RYR3: variants seen among roughly 807,000 people sequenced by gnomAD.
RYR3 encodes the protein ryanodine receptor 3.
RYR3 carries 207 observed loss-of-function variants against 584.3 expected under a neutral mutation model. The observed-to-expected ratio is 0.35, with a 90% confidence interval of 0.32 to 0.40. The LOEUF (loss-of-function observed/expected upper bound fraction) is 0.40, where lower values mean the gene tolerates loss of function less well. Ranked by LOEUF, RYR3 falls within the 10% of genes least tolerant of loss-of-function variation. The pLI, the probability that RYR3 is intolerant of heterozygous loss-of-function variation, is 1.00. For synonymous variants in RYR3, 2,416 were observed against 2,248.5 expected (o/e 1.07, Z -2.11); for missense variants, 5,616 against 6,089.2 (o/e 0.92, Z 2.59).
chr15:33,543,992 C>A (rs1178207061), intron 8 of RYR3, among the ~76,000 whole-genome samples: 1 of 152,090 alleles, frequency 6.6e-6, no homozygotes, highest in African/African-American at 2.4e-5. Flanking sequence ...ATTCACCAGG[C>A]TCTTCAAAGA....
intron 43 of RYR3, among the ~76,000 whole-genome samples, chr15:33,716,215 A>T (rs551476259): frequency 6.6e-6 from 1 of 152,336 alleles, no homozygotes; most frequent in African/African-American, 2.4e-5. Flanking sequence ...CAATGAGCCA[A>T]TTAAACCTCT....
intron 13 of RYR3, 73 bp downstream of exon 13, chr15:33,580,217 C>A: frequency 8.2e-7 from 1 of 1,220,342 alleles, no homozygotes; most frequent in Non-Finnish European, 1.1e-6. Flanking sequence ...TACAACTTAG[C>A]TTTGTCTTTC....
intron 1 of RYR3, among the ~76,000 whole-genome samples, chr15:33,319,970 A>G (rs1342985002): frequency 6.6e-6 from 1 of 152,180 alleles, no homozygotes; most frequent in African/African-American, 2.4e-5. Flanking sequence ...GCAGGTAGCT[A>G]AATGTGTAAA....
intron 70 of RYR3, among the ~76,000 whole-genome samples, chr15:33,808,839 C>T (rs2076348278): frequency 6.6e-6 from 1 of 152,172 alleles, no homozygotes; most frequent in Non-Finnish European, 1.5e-5. Flanking sequence ...ATATTTCTTA[C>T]TGCCCCTCCC....
chr15:33,330,153 C>G (rs979575335), intron 1 of RYR3, among the ~76,000 whole-genome samples: 4 of 152,122 alleles, frequency 2.6e-5, no homozygotes, highest in African/African-American at 9.7e-5. Flanking sequence ...TAACTTAGCT[C>G]AAAGTGGCGG....
intron 2 of RYR3, among the ~76,000 whole-genome samples, chr15:33,485,284 A>G (rs1479459081): frequency 6.6e-6 from 1 of 152,252 alleles, no homozygotes; most frequent in Non-Finnish European, 1.5e-5. Flanking sequence ...AACTTGAGCA[A>G]TAAGAAGAAA....
Position 33,728,941 on chromosome 15 carries a change from A to T in RYR3, c.7118A>T (p.Tyr2373Phe), listed in dbSNP as rs746107785. 15 of 1,613,818 alleles carry T rather than the reference A, an allele frequency of 9.3e-6. No homozygotes were observed. Among genetic ancestry groups the T allele is most frequent in the Non-Finnish European group, 1.3e-5 (15 of 1,179,858 alleles). The change falls in exon 47 of 104, where the codon TAT (tyrosine) becomes TTT (phenylalanine). Residue 2373 changes from tyrosine (Y) to phenylalanine (F), a missense_variant. Tyr to Phe is a conservative substitution (Grantham distance 22, BLOSUM62 3). Transcript: ENST00000634891. ...APMVLFLDRV[Y>F]GIKDQTFLLH... ...ATGGTGCTGTTCTTGGACCGCGTTT[A>T]TGGCATTAAGGATCAAACTTTTCTG...
At position 33,746,134 on chromosome 15, in the gene RYR3, C is replaced by T; in HGVS notation, c.7966C>T (p.Pro2656Ser). 2 of 1,597,818 alleles carry T rather than the reference C, an allele frequency of 1.3e-6. No homozygotes were observed. Among genetic ancestry groups the T allele is most frequent in the Non-Finnish European group, 1.7e-6 (2 of 1,171,802 alleles). ...TGTGAAGACCCACCCACTGATAAGG[C>T]CTTTCAAGACATTAACGGAGAAGGT... ...ENVKTHPLIRPFKTLTEKEKE... is the reference protein window; with the variant it reads ...ENVKTHPLIRSFKTLTEKEKE... The change falls in exon 53 of 104, where the codon CCT (proline) becomes TCT (serine). Residue 2656 changes from proline (P) to serine (S), a missense_variant. Transcript: ENST00000634891.
At chr15:33,445,428 T>C (rs2046556883) in intron 1 of RYR3, among the ~76,000 whole-genome samples, 1 of 152,168 alleles carries the variant, frequency 6.6e-6, no homozygotes, top group African/African-American at 2.4e-5. Flanking sequence ...TTTGACATAC[T>C]CATGTTGAAA....
intron 67 of RYR3, among the ~76,000 whole-genome samples, chr15:33,794,347 A>ACATAT (rs1453088029): frequency 1.3e-5 from 1 of 74,534 alleles, no homozygotes; most frequent in Non-Finnish European, 2.9e-5. Flanking sequence ...ATATATATAA[A>ACATAT]AATATATATA....
chr15:33,729,719 G>T (rs2068786690), intron 47 of RYR3, among the ~76,000 whole-genome samples: 1 of 151,816 alleles, frequency 6.6e-6, no homozygotes, highest in African/African-American at 2.4e-5. Context: ...GCAGAAAAAG[G>T]TACACCAGGA....
In RYR3 at chr15:33,785,699, T is replaced by C; in HGVS notation, c.9306T>C (p.Pro3102=). 1 of 1,611,374 alleles carries C rather than the reference T, an allele frequency of 6.2e-7. No homozygotes were observed. The highest frequency in any genetic ancestry group is 2.2e-5 in the East Asian group (1 of 44,868). The change falls in exon 66 of 104, where the codon CCT becomes CCC. Residue 3102 remains proline (P), a synonymous_variant. Coordinates refer to ENST00000634891, the MANE Select transcript of RYR3 (RefSeq NM_001036.6). Reference sequence around the variant, plus strand: ...CAGACACGGTAGAAGACATGTGTCCTGACATCCCCCAGCTGGAAGGCCTGA... The same window carrying C: ...CAGACACGGTAGAAGACATGTGTCCCGACATCCCCCAGCTGGAAGGCCTGA... The part of the protein sequence containing the change: ...GMPDTVEDMC[P]DIPQLEGLMK...
At chr15:33,540,926 C>A in intron 7 of RYR3, 36 bp downstream of exon 7, 1 of 1,340,564 alleles carries the variant, frequency 7.5e-7, no homozygotes. Context: ...CCTGAGCCTG[C>A]CTATCTCTCT....
chr15:33,690,218 C>T (rs544377571), intron 38 of RYR3, among the ~76,000 whole-genome samples: 185 of 152,332 alleles, frequency 1.2e-3, no homozygotes, highest in African/African-American at 4.2e-3. Flanking sequence ...GTGTGCAGAG[C>T]GGGCTGAAGA....
At chr15:33,783,615 C>T (rs1273974836) in intron 65 of RYR3, among the ~76,000 whole-genome samples, 3 of 152,176 alleles carry the variant, frequency 2.0e-5, no homozygotes, top group South Asian at 2.1e-4. Context: ...TTTAAACAAA[C>T]GCACCTGAGC....
Position 33,842,311 on chromosome 15 carries a change from C to T in RYR3, c.13209+276C>T, listed in dbSNP as rs1481017681. 3.3e-5 allele frequency among the ~76,000 whole-genome samples: 5 copies of T among 152,230 alleles called. No individual in the cohort carries two copies. In the East Asian group the frequency reaches 7.7e-4, roughly 23 times the overall value. Reference sequence around the variant, plus strand: ...CCTTACCAGGAGAGCAGGAACACCTCTTTCTACCCAGTCCTTTATGTGTAT... The same window carrying T: ...CCTTACCAGGAGAGCAGGAACACCTTTTTCTACCCAGTCCTTTATGTGTAT... On this transcript the variant is annotated intron_variant, in intron 91 of 103. Transcript: ENST00000634891.
chr15:33,858,512 GAGACATTATTATGAATGAA>G (rs1158147466), intron 99 of RYR3: 1 of 126,588 alleles, frequency 7.9e-6, no homozygotes, highest in Admixed American at 8.3e-5. Flanking sequence ...TGGCCAAGAT[GAGACATTATTATGAATGAA>G]ACCAGTGTCT....
intron 19 of RYR3, among the ~76,000 whole-genome samples, chr15:33,620,903 C>T (rs1243595847): frequency 6.6e-6 from 1 of 152,180 alleles, no homozygotes; most frequent in African/African-American, 2.4e-5. Flanking sequence ...TTTCTTCTAC[C>T]CAGTGAAGCA....
intron 18 of RYR3, among the ~76,000 whole-genome samples, chr15:33,611,902 G>A (rs1265602753): frequency 6.6e-6 from 1 of 152,126 alleles, no homozygotes; most frequent in Non-Finnish European, 1.5e-5. Flanking sequence ...CAAGCGATCT[G>A]CCTGCCTTGG....
Sources: gnomAD v4.1 joint callset for allele counts (sites outside exome capture counted in the v4.1 genomes callset) on GRCh38, gnomAD v4.1.1 for gene constraint, MANE v1.5 for transcripts, NCBI Gene and HGNC (gene_info 2026-07-23, HGNC 2026-07-21) for gene names.